IRGC: variants seen among roughly 807,000 people sequenced by gnomAD.
IRGC encodes immunity related GTPase cinema.
Under a neutral mutation model 16.1 loss-of-function variants are expected in IRGC, and 4 were observed. The observed-to-expected ratio is 0.25, with a 90% CI of 0.12 to 0.57. The LOEUF (loss-of-function observed/expected upper bound fraction) is 0.57, where lower values mean the gene tolerates loss of function less well. IRGC is among the 20% of genes least tolerant of loss of function. IRGC has a pLI of 0.92. For missense variants in IRGC, 570 were observed against 643.9 expected (o/e 0.89, Z 1.24); for synonymous variants, 307 against 299.5 (o/e 1.03, Z -0.26).
rs77469469 is a variant in IRGC at position 43,718,494 on chromosome 19, C to A, written c.-65C>A. 144 of 1,510,764 alleles carry A rather than the reference C, an allele frequency of 9.5e-5. No homozygotes were observed. The highest frequency in any genetic ancestry group is 1.1e-4 in the Non-Finnish European group (129 of 1,132,786). The allele number at this position is 1,510,764 out of a possible 1,614,324, so 93.6% of individuals were successfully genotyped here. A position where few individuals can be genotyped will look rare whatever the true frequency, so the allele number is the denominator to read the frequency against. On this transcript the variant is annotated splice_region_variant and 5_prime_UTR_variant, in exon 2 of 2. Coordinates refer to ENST00000244314, the MANE Select transcript of IRGC (RefSeq NM_019612.4). The stretch of plus-strand genomic sequence containing the variant: ...GAATGGCTCCCTTCTCCTCTGCAGG[C>A]GCTGAGGATCACGCATCCTGTGACT...
intron 1 of IRGC, 56 bp from the exon 2 acceptor site, chr19:43,718,437 C>A: frequency 6.7e-7 from 1 of 1,482,964 alleles, no homozygotes; most frequent in Non-Finnish European, 8.9e-7. Flanking sequence ...GTATCTGTCT[C>A]TCCCTGCCCC....
intron 1 of IRGC, among the ~76,000 whole-genome samples, chr19:43,717,994 A>G (rs1484770730): frequency 2.0e-5 from 3 of 152,226 alleles, no homozygotes; most frequent in Non-Finnish European, 2.9e-5. Flanking sequence ...GCTAGAGCCA[A>G]GGAGATCAAG....
intron 1 of IRGC, among the ~76,000 whole-genome samples, chr19:43,718,056 G>A (rs751349188): frequency 6.6e-6 from 1 of 152,088 alleles, no homozygotes; most frequent in Non-Finnish European, 1.5e-5. Context: ...ATGACAGAGA[G>A]ACCCTGTCTC....
intron 1 of IRGC, among the ~76,000 whole-genome samples, chr19:43,717,014 G>A (rs1031398749): frequency 2.0e-5 from 3 of 152,172 alleles, no homozygotes; most frequent in Non-Finnish European, 4.4e-5. Flanking sequence ...GAGGACCAGG[G>A]AAGCTCCTGG....
intron 1 of IRGC, among the ~76,000 whole-genome samples, chr19:43,716,362 T>G (rs1368623446): frequency 6.6e-6 from 1 of 151,250 alleles, no homozygotes; most frequent in Non-Finnish European, 1.5e-5. Context: ...AATGTCTTTT[T>G]TTTTTCCTTT....
In IRGC at chr19:43,719,573, T is replaced by G. The variant is rs771083825; in HGVS notation, c.1015T>G (p.Ser339Ala). 4 of 1,602,180 alleles carry G rather than the reference T, an allele frequency of 2.5e-6. No individual in the cohort carries two copies. In the African/African-American group the frequency reaches 5.3e-5, roughly 21 times the overall value. ...VIRSPLANEV[S>A]PETVLRLYSQ... ...CCGCTCCCCACTGGCCAACGAGGTC[T>G]CGCCTGAGACTGTCCTGCGGCTCTA... The change falls in exon 2 of 2, where the codon TCG (serine) becomes GCG (alanine). Residue 339 changes from serine (S) to alanine (A), a missense_variant. Ser to Ala is a moderately conservative substitution (Grantham distance 99, BLOSUM62 1). Transcript: ENST00000244314.
At chr19:43,718,408 G>C (rs756316974) in intron 1 of IRGC, 85 bp from the exon 2 acceptor site, 9 of 1,392,128 alleles carry the variant, frequency 6.5e-6, no homozygotes, top group Non-Finnish European at 8.4e-6. Flanking sequence ...CTTCCAGGGC[G>C]ACTCCCTTCA....
chr19:43,719,472 T>G lies in IRGC; in HGVS notation c.914T>G (p.Phe305Cys). The G allele has an allele frequency of 6.2e-7, 1 of 1,603,890 alleles. No homozygotes were observed. The highest frequency in any genetic ancestry group is 2.2e-5 in the East Asian group (1 of 44,770). ...TCACTGCGTGGCTACCACCGCAGCTTTGGTCTGGACGACGACTCGCTGGCC... is the reference window on the plus strand; with the variant it reads ...TCACTGCGTGGCTACCACCGCAGCTGTGGTCTGGACGACGACTCGCTGGCC... ...IHSLRGYHRS[F>C]GLDDDSLAKL... is the part of the protein sequence containing the mutation. Residue 305 changes from phenylalanine (F) to cysteine (C), a missense_variant, in exon 2 of 2, where the codon TTT (phenylalanine) becomes TGT (cysteine). Physicochemically the swap from Phe to Cys is radical, Grantham distance 205. Transcript: ENST00000244314.
chr19:43,716,454 T>G (rs1052002503), intron 1 of IRGC, among the ~76,000 whole-genome samples: 1 of 151,598 alleles, frequency 6.6e-6, no homozygotes, highest in African/African-American at 2.4e-5. Context: ...AACCTCCGCC[T>G]CCTGGGTTCA....
rs1388905075 is a variant in IRGC, at chr19:43,719,177, G to A, written c.619G>A (p.Val207Met). Residue 207 changes from valine to methionine, a missense_variant, in exon 2 of 2, where the codon GTG (valine) becomes ATG (methionine). Val to Met is a conservative substitution (Grantham distance 21). Transcript: ENST00000244314. ...TGCCGAGCGGCTGCGGGAGGCCGGCGTGGCTGACCCTCGCATCTTCCTGGT... is the reference window on the plus strand; with the variant it reads ...TGCCGAGCGGCTGCGGGAGGCCGGCATGGCTGACCCTCGCATCTTCCTGGT... ...HCAERLREAG[V>M]ADPRIFLVSN... 5 of 1,608,580 alleles carry A rather than the reference G, an allele frequency of 3.1e-6. No individual in the cohort carries two copies. The highest frequency in any genetic ancestry group is 2.7e-5 in the African/African-American group (2 of 74,936).
chr19:43,717,545 CTCAG>C (rs1968189408), intron 1 of IRGC, among the ~76,000 whole-genome samples: 2 of 152,132 alleles, frequency 1.3e-5, no homozygotes. Context: ...CCTCACATCA[CTCAG>C]TAAGTATGTG....
At position 43,719,628 on chromosome 19, in the gene IRGC, TG is replaced by T; in HGVS notation, c.1072del (p.Ala358ProfsTer122). On this transcript the variant is annotated frameshift_variant, in exon 2 of 2. Coordinates refer to ENST00000244314, the MANE Select transcript of IRGC (RefSeq NM_019612.4). LOFTEE classifies it high-confidence loss of function. ...YSQSSDGAMR[V>X]ARAFERGIPV... is the part of the protein sequence containing the mutation. ...CAGTCGTCCGACGGCGCCATGCGGG[TG>T]GCCCGCGCCTTTGAGAGGGGCATCC... The T allele has an allele frequency of 6.2e-7, 1 of 1,604,924 alleles. No individual in the cohort carries two copies. The highest frequency in any genetic ancestry group is 8.5e-7 in the Non-Finnish European group (1 of 1,179,894).
rs762313797 is a variant in IRGC at position 43,719,834 on chromosome 19, G to C, written c.1276G>C (p.Gly426Arg). The change falls in exon 2 of 2, where the codon GGG (glycine) becomes CGG (arginine). Residue 426 changes from glycine to arginine, a missense_variant. Transcript: ENST00000244314. Reference sequence around the variant, plus strand: ...GGCCAGTGACAATGGCGTGGAAAAGGGGGGCTCCGGGGAGGGAGGTGGGGA... The same window carrying C: ...GGCCAGTGACAATGGCGTGGAAAAGCGGGGCTCCGGGGAGGGAGGTGGGGA... Reference protein sequence around the residue: ...EVASDNGVEKGGSGEGGGEEA... With the variant: ...EVASDNGVEKRGSGEGGGEEA... The C allele has an allele frequency of 1.5e-5, 25 of 1,613,958 alleles. No individual in the cohort carries two copies. In the East Asian group the frequency reaches 5.1e-4, roughly 33 times the overall value.
In IRGC at chr19:43,719,906, T is replaced by C. The variant is rs372522323; in HGVS notation, c.1348T>C (p.Tyr450His). 6.2e-7 allele frequency: 1 copy of C among 1,613,622 alleles called. No individual in the cohort carries two copies. Among genetic ancestry groups the C allele is most frequent in the Middle Eastern group, 1.7e-4 (1 of 6,060 alleles). ...TCRKLGLLLKYILDSWKKHDS... is the reference protein window; with the variant it reads ...TCRKLGLLLKHILDSWKKHDS... Reference sequence around the variant, plus strand: ...CAGGAAGCTCGGCCTCCTTCTTAAGTACATTCTGGACAGCTGGAAGAAACA... The same window carrying C: ...CAGGAAGCTCGGCCTCCTTCTTAAGCACATTCTGGACAGCTGGAAGAAACA... The change falls in exon 2 of 2, where the codon TAC becomes CAC. Residue 450 changes from tyrosine (Y) to histidine (H), a missense_variant. Coordinates refer to ENST00000244314, the MANE Select transcript of IRGC (RefSeq NM_019612.4).
At position 43,719,863 on chromosome 19, in the gene IRGC, A is replaced by C. The variant is rs1043646976; in HGVS notation, c.1305A>C (p.Glu435Asp). The C allele has an allele frequency of 6.2e-7, 1 of 1,613,848 alleles. No homozygotes were observed. Among genetic ancestry groups the C allele is most frequent in the Middle Eastern group, 1.7e-4 (1 of 6,058 alleles). The change falls in exon 2 of 2, where the codon GAA becomes GAC. Residue 435 changes from glutamate (E) to aspartate (D), a missense_variant. Glu to Asp is a conservative substitution (Grantham distance 45). Transcript: ENST00000244314. The part of the protein sequence containing the change: ...KGGSGEGGGE[E>D]APLSTCRKLG... ...GCTCCGGGGAGGGAGGTGGGGAGGA[A>C]GCCCCACTCTCAACCTGCAGGAAGC...
At position 43,718,986 on chromosome 19, in the gene IRGC, G is replaced by A. The variant is rs56159111; in HGVS notation, c.428G>A (p.Arg143His). ...RYDFFLLVSPRRCGAVETRLA... is the reference protein window; with the variant it reads ...RYDFFLLVSPHRCGAVETRLA... ...GACTTCTTCCTGCTGGTCTCCCCCC[G>A]CCGCTGCGGGGCCGTCGAGACCCGC... is the stretch of plus-strand genomic sequence containing the variant. The change falls in exon 2 of 2, where the codon CGC becomes CAC. Residue 143 changes from arginine (R) to histidine (H), a missense_variant. Coordinates refer to ENST00000244314, the MANE Select transcript of IRGC (RefSeq NM_019612.4). 18 of 1,610,152 alleles carry A rather than the reference G, an allele frequency of 1.1e-5. No homozygotes were observed. The highest frequency in any genetic ancestry group is 3.3e-5 in the South Asian group (3 of 90,834).
rs1196676399 is a variant in IRGC, at chr19:43,716,086, G to A, written c.-123G>A. ...ACGGTGTCTGACCTTGGCTAAGAGG[G>A]AAGGAGATCCTATCAGTGGGGAGAG... On this transcript the variant is annotated 5_prime_UTR_variant, in exon 1 of 2. Transcript: ENST00000244314. The A allele has an allele frequency of 6.6e-6, 1 of 152,452 alleles. No individual in the cohort carries two copies. The highest frequency in any genetic ancestry group is 2.4e-5 in the African/African-American group (1 of 41,478). The allele number at this position is 152,452 out of a possible 1,614,324, so 9.4% of individuals were successfully genotyped here.
At position 43,719,994 on chromosome 19, in the gene IRGC, T is replaced by G; in HGVS notation, c.*44T>G. On this transcript the variant is annotated 3_prime_UTR_variant, in exon 2 of 2. Coordinates refer to ENST00000244314, the MANE Select transcript of IRGC (RefSeq NM_019612.4). ...CCTGCCTCACCCACAAACTAAGTCT[T>G]AACAAAATCCAAATTACCAACAAAA... 1.3e-6 allele frequency: 2 copies of G among 1,599,424 alleles called. No individual in the cohort carries two copies. The highest frequency in any genetic ancestry group is 1.7e-6 in the Non-Finnish European group (2 of 1,173,192).
rs1264682688 is a variant in IRGC, at chr19:43,719,992, C to G, written c.*42C>G. ...CCCCTGCCTCACCCACAAACTAAGT[C>G]TTAACAAAATCCAAATTACCAACAA... On this transcript the variant is annotated 3_prime_UTR_variant, in exon 2 of 2. Transcript: ENST00000244314. The G allele has an allele frequency of 3.1e-6, 5 of 1,600,786 alleles. No homozygotes were observed. The highest frequency in any genetic ancestry group is 4.3e-6 in the Non-Finnish European group (5 of 1,174,214).
Sources: allele counts gnomAD v4.1 joint callset (sites outside exome capture counted in the v4.1 genomes callset), GRCh38; gene constraint gnomAD v4.1.1; transcripts MANE v1.5; gene names NCBI Gene and HGNC (gene_info 2026-07-23, HGNC 2026-07-21).